The following CUL1 variants were observed in gnomAD, a reference collection of about 807,000 sequenced individuals.
The protein encoded by CUL1 is cullin 1, also known as cullin-1.
Under a neutral mutation model 118.0 loss-of-function variants are expected in CUL1, and 24 were observed. The ratio of observed to expected loss-of-function variants is 0.20; its 90% CI spans 0.15 to 0.29. CUL1 has a LOEUF of 0.29. Among genes scored for constraint, CUL1 ranks in the 10% least tolerant of loss-of-function variants. CUL1 has a pLI of 1.00. For missense variants in CUL1, 361 were observed against 933.8 expected, an observed-to-expected ratio of 0.39 and a Z score of 7.99; for synonymous variants, 332 against 340.4, an observed-to-expected ratio of 0.98 and a Z score of 0.27.
At chr7:148,747,072 T>C (rs1265371652) in intron 2 of CUL1, among the ~76,000 whole-genome samples, 2 of 152,226 alleles carry the variant, frequency 1.3e-5, no homozygotes, top group Non-Finnish European at 2.9e-5. Flanking sequence ...ATATAATTGC[T>C]GTATCAAAAG....
At chr7:148,757,972 C>CTATA (rs774273434) in intron 4 of CUL1, among the ~76,000 whole-genome samples, 3 of 152,194 alleles carry the variant, frequency 2.0e-5, no homozygotes, top group Non-Finnish European at 4.4e-5. Flanking sequence ...ATTACGGGAG[C>CTATA]TATAGTTCAA....
chr7:148,789,028 T>A (rs1218487379), intron 14 of CUL1, among the ~76,000 whole-genome samples: 2 of 152,176 alleles, frequency 1.3e-5, no homozygotes, highest in Non-Finnish European at 1.5e-5. Flanking sequence ...TAAAGACCTG[T>A]GGCTTCAGAC....
chr7:148,748,279 A>G (rs906291716), intron 2 of CUL1, among the ~76,000 whole-genome samples: 1 of 152,174 alleles, frequency 6.6e-6, no homozygotes, highest in African/African-American at 2.4e-5. Context: ...TTAAAAAGTC[A>G]ATTATGCTGT....
chr7:148,760,501 G>C lies in CUL1; in HGVS notation c.789+5G>C. ...GTTACTGAATATATGAAAAAGGTAA[G>C]CTTAAATATAGTACTTTAAGTAGAC... On this transcript the variant is annotated splice_donor_5th_base_variant and intron_variant, in intron 7 of 21. Transcript: ENST00000325222. 1 of 1,601,190 alleles carries C rather than the reference G, an allele frequency of 6.2e-7. No homozygotes were observed.
chr7:148,745,077 G>GTTTT (rs1799268394), intron 2 of CUL1, among the ~76,000 whole-genome samples: 18 of 151,898 alleles, frequency 1.2e-4, no homozygotes, highest in Non-Finnish European at 2.1e-4. Context: ...TTCCTCTCAA[G>GTTTT]AGTTGATCGT....
At chr7:148,769,723 T>C (rs1267021576) in intron 9 of CUL1, among the ~76,000 whole-genome samples, 1 of 152,162 alleles carries the variant, frequency 6.6e-6, no homozygotes, top group Non-Finnish European at 1.5e-5. Flanking sequence ...TATGTGAATA[T>C]AGTTAGATTT....
chr7:148,739,508 T>C (rs1799072484), intron 2 of CUL1, among the ~76,000 whole-genome samples: 1 of 152,240 alleles, frequency 6.6e-6, no homozygotes, highest in Non-Finnish European at 1.5e-5. Flanking sequence ...CACCTTTTTA[T>C]ATGCTCGTTG....
At chr7:148,721,918 C>T (rs1331559373) in intron 1 of CUL1, among the ~76,000 whole-genome samples, 1 of 152,162 alleles carries the variant, frequency 6.6e-6, no homozygotes, top group Non-Finnish European at 1.5e-5. Flanking sequence ...CATGTGTTTG[C>T]ATATTTTCTG....
chr7:148,734,005 G>A (rs1345169097), intron 2 of CUL1, among the ~76,000 whole-genome samples: 1 of 149,776 alleles, frequency 6.7e-6, no homozygotes, highest in African/African-American at 2.5e-5. Context: ...TCAAAATGGT[G>A]AAAGAAGGGA....
chr7:148,749,892 A>G (rs1355809629), intron 2 of CUL1, among the ~76,000 whole-genome samples: 1 of 152,262 alleles, frequency 6.6e-6, no homozygotes, highest in Non-Finnish European at 1.5e-5. Context: ...GGAAATTAAA[A>G]GCGCTGCTCC....
At chr7:148,788,873 G>T (rs191933914) in intron 14 of CUL1, among the ~76,000 whole-genome samples, 199 bp downstream of exon 14, 1 of 152,360 alleles carries the variant, frequency 6.6e-6, no homozygotes, top group Non-Finnish European at 1.5e-5. Context: ...CCTTGAAGTG[G>T]TGTCAGCTCT....
chr7:148,777,618 T>C (rs6943371), intron 9 of CUL1, among the ~76,000 whole-genome samples: 2 of 152,090 alleles, frequency 1.3e-5, no homozygotes, highest in Non-Finnish European at 2.9e-5. Flanking sequence ...TGATGCGTAG[T>C]AAAGGGAAGA....
chr7:148,746,205 G>A (rs1411781009), intron 2 of CUL1, among the ~76,000 whole-genome samples: 1 of 152,150 alleles, frequency 6.6e-6, no homozygotes, highest in Non-Finnish European at 1.5e-5. Context: ...GAGAATGAAA[G>A]GATTCTGTGG....
chr7:148,767,926 C>A (rs1483301185), intron 9 of CUL1, among the ~76,000 whole-genome samples, 177 bp downstream of exon 9: 2 of 152,164 alleles, frequency 1.3e-5, no homozygotes, highest in Admixed American at 6.5e-5. Context: ...TTAGTAAATA[C>A]CTCCGTAAGT....
chr7:148,704,733 T>C (rs1797829731), intron 1 of CUL1, among the ~76,000 whole-genome samples: 1 of 152,246 alleles, frequency 6.6e-6, no homozygotes, highest in Non-Finnish European at 1.5e-5. Context: ...TATGCATTTT[T>C]TAAAAAGATG....
chr7:148,740,267 C>T (rs1363375620), intron 2 of CUL1, among the ~76,000 whole-genome samples: 1 of 152,084 alleles, frequency 6.6e-6, no homozygotes, highest in Non-Finnish European at 1.5e-5. Flanking sequence ...GTTGGCCAGG[C>T]TGGTCTTGAA....
intron 1 of CUL1, among the ~76,000 whole-genome samples, chr7:148,699,842 T>A (rs1041164127): frequency 6.6e-6 from 1 of 151,972 alleles, no homozygotes; most frequent in African/African-American, 2.4e-5. Context: ...GCGCGCGCCC[T>A]GACCCTGAGG....
At position 148,766,730 on chromosome 7, in the gene CUL1, C is replaced by T. The variant is rs779070481; in HGVS notation, c.952+7C>T. The T allele has an allele frequency of 6.2e-7, 1 of 1,605,848 alleles. No individual in the cohort carries two copies. The highest frequency in any genetic ancestry group is 2.2e-5 in the East Asian group (1 of 44,714). On this transcript the variant is annotated splice_region_variant and intron_variant, in intron 8 of 21. Coordinates refer to ENST00000325222, the MANE Select transcript of CUL1 (RefSeq NM_003592.3). ...GATGCTGACAAAAATGAAGGTGAGC[C>T]ACAAGACTCATAAAATGTAGGTATT...
chr7:148,722,389 A>T (rs373212855), intron 1 of CUL1, among the ~76,000 whole-genome samples: 4 of 152,104 alleles, frequency 2.6e-5, no homozygotes, highest in African/African-American at 9.7e-5. Context: ...GTCCTCATCC[A>T]TGAATGCGAA....
Sources: gnomAD v4.1 joint callset for allele counts (sites outside exome capture counted in the v4.1 genomes callset) on GRCh38, gnomAD v4.1.1 for gene constraint, MANE v1.5 for transcripts, NCBI Gene and HGNC (gene_info 2026-07-23, HGNC 2026-07-21) for gene names.